The following WFDC3 variants were observed in gnomAD, a reference collection of about 807,000 sequenced individuals.
The protein encoded by WFDC3 is WAP four-disulfide core domain 3, also known as WAP four-disulfide core domain protein 3.
In WFDC3, 15 loss-of-function variants were observed where a neutral mutation model predicts 25.8. The ratio of observed to expected loss-of-function variants is 0.58; its 90% CI spans 0.39 to 0.89. The LOEUF (loss-of-function observed/expected upper bound fraction) is 0.89, where lower values mean the gene tolerates loss of function less well. WFDC3 is among the 40% of genes least tolerant of loss of function. The pLI, the probability that WFDC3 is intolerant of heterozygous loss-of-function variation, is 0.00. For missense variants in WFDC3, 264 were observed against 289.8 expected (o/e 0.91, Z 0.65); for synonymous variants, 103 against 107.1 (o/e 0.96, Z 0.24).
At chr20:45,781,475 C>T (rs1259778138) in intron 4 of WFDC3, among the ~76,000 whole-genome samples, 1 of 152,132 alleles carries the variant, frequency 6.6e-6, no homozygotes, top group East Asian at 1.9e-4. Context: ...CAGGACTCAG[C>T]GTATAGTCAT....
Position 45,789,966 on chromosome 20 carries a change from T to G in WFDC3, c.10A>C (p.Ser4Arg), listed in dbSNP as rs1980876020. Residue 4 changes from serine to arginine, a missense_variant, in exon 2 of 7, where the codon AGC (serine) becomes CGC (arginine). Coordinates refer to ENST00000243938, the MANE Select transcript of WFDC3 (RefSeq NM_080614.2). ...AGTGCCTTCAGAAGAAAGAGGCAGCTTAACATCATGATGATGCTGAGAGTT... is the reference window on the plus strand; with the variant it reads ...AGTGCCTTCAGAAGAAAGAGGCAGCGTAACATCATGATGATGCTGAGAGTT... The part of the protein sequence containing the change: MML[S>R]CLFLLKALLA... 6.2e-7 allele frequency: 1 copy of G among 1,613,990 alleles called. No individual in the cohort carries two copies. Among genetic ancestry groups the G allele is most frequent in the African/African-American group, 1.3e-5 (1 of 74,920 alleles).
intron 4 of WFDC3, among the ~76,000 whole-genome samples, chr20:45,783,739 C>T (rs1206278278): frequency 1.3e-5 from 2 of 152,020 alleles, no homozygotes; most frequent in Non-Finnish European, 2.9e-5. Context: ...AACAGACCAG[C>T]GCTGGCTATG....
At chr20:45,778,184 G>C (rs1036347313) in intron 4 of WFDC3, among the ~76,000 whole-genome samples, 3 of 152,160 alleles carry the variant, frequency 2.0e-5, no homozygotes, top group African/African-American at 7.2e-5. Flanking sequence ...CTTGAACTAC[G>C]CTATGGGATG....
intron 4 of WFDC3, among the ~76,000 whole-genome samples, chr20:45,777,618 A>G (rs1017196283): frequency 6.6e-6 from 1 of 152,182 alleles, no homozygotes; most frequent in Non-Finnish European, 1.5e-5. Context: ...TCCTGTGCTC[A>G]AGGGATCCTC....
Position 45,787,876 on chromosome 20 carries a change from G to A in WFDC3, c.318C>T (p.Cys106=), listed in dbSNP as rs1360086523. Residue 106 remains cysteine, a synonymous_variant, in exon 4 of 7, where the codon TGC becomes TGT. Coordinates refer to ENST00000243938, the MANE Select transcript of WFDC3 (RefSeq NM_080614.2). ...AGATTGGGACTACACAGCTCTTGTT[G>A]CAGCCAAGCGTGCAGCATTTCTTTA... ...PGVKKCCTLG[C]NKSCVVPISK... is the part of the protein sequence containing the mutation. 6.2e-7 allele frequency: 1 copy of A among 1,614,028 alleles called. No homozygotes were observed. Among genetic ancestry groups the A allele is most frequent in the South Asian group, 1.1e-5 (1 of 91,052 alleles).
intron 4 of WFDC3, among the ~76,000 whole-genome samples, 191 bp from the exon 5 acceptor site, chr20:45,777,400 A>G (rs1980241700): frequency 6.6e-6 from 1 of 152,160 alleles, no homozygotes; most frequent in South Asian, 2.1e-4. Context: ...GCCCAGGCCA[A>G]AGTGCAGTGG....
At position 45,776,619 on chromosome 20, in the gene WFDC3, AAAGAAAAAAAAAAAAAATAT is replaced by A. The variant is rs1431157114; in HGVS notation, c.493+436_493+455del. On this transcript the variant is annotated intron_variant, in intron 5 of 6. Coordinates refer to ENST00000243938, the MANE Select transcript of WFDC3 (RefSeq NM_080614.2). ...TCTCAAAAAAAAAAAAAAAGAAAAA[AAAGAAAAAAAAAAAAAATAT>A]ATATATATATATATATATATATGTG... Among the ~76,000 whole-genome samples the A allele has an allele frequency of 1.1e-3, 89 of 79,170 alleles. 1 individual carries two copies. The highest frequency in any genetic ancestry group is 4.3e-3 in the African/African-American group (75 of 17,594). 51.9% of individuals were successfully genotyped at this position (79,170 alleles called of 152,430 possible). A position where few individuals can be genotyped will look rare whatever the true frequency, so the allele number is the denominator to read the frequency against.
rs566406579 is a variant in WFDC3 at position 45,788,159 on chromosome 20, C to T, written c.212-177G>A. On this transcript the variant is annotated intron_variant, in intron 3 of 6. Transcript: ENST00000243938. The stretch of plus-strand genomic sequence containing the variant: ...TCTCTACTAAAAATACAAAATTAGT[C>T]GGGGGTGGTGGCACATGCCTGTAAA... 8.0e-5 allele frequency: 43 copies of T among 534,682 alleles called. No homozygotes were observed. The Middle Eastern group carries it at 1.7e-3, about 21-fold the overall frequency. The allele number at this position is 534,682 out of a possible 1,614,324, so 33.1% of individuals were successfully genotyped here.
intron 4 of WFDC3, among the ~76,000 whole-genome samples, chr20:45,783,356 T>C (rs560204775): frequency 5.6e-4 from 85 of 152,174 alleles, no homozygotes; most frequent in Admixed American, 7.9e-4. Context: ...TTTGTGCCTG[T>C]AGTCCCAGTT....
At position 45,776,967 on chromosome 20, in the gene WFDC3, G is replaced by A. The variant is rs1430927568; in HGVS notation, c.493+108C>T. 5 of 1,575,800 alleles carry A rather than the reference G, an allele frequency of 3.2e-6. No individual in the cohort carries two copies. In the Admixed American group the frequency reaches 8.5e-5, roughly 27 times the overall value. On this transcript the variant is annotated intron_variant, in intron 5 of 6. Coordinates refer to ENST00000243938, the MANE Select transcript of WFDC3 (RefSeq NM_080614.2). The stretch of plus-strand genomic sequence containing the variant: ...AAGAATGGGTTGCTTTGGGTTGGGG[G>A]ACCAGAGGGACAGGAAGGATGAGAA...
chr20:45,787,535 C>T (rs1980739432), intron 4 of WFDC3, among the ~76,000 whole-genome samples: 1 of 151,906 alleles, frequency 6.6e-6, no homozygotes, highest in Non-Finnish European at 1.5e-5. Flanking sequence ...TCGTGATCCG[C>T]CCGCCTTGGC....
At chr20:45,789,182 T>G in intron 2 of WFDC3, 123 bp from the exon 3 acceptor site, 1 of 1,321,938 alleles carries the variant, frequency 7.6e-7, no homozygotes. Flanking sequence ...CTAGCCTGGG[T>G]GACAGAATGA....
rs1480015599 is a variant in WFDC3 at position 45,776,969 on chromosome 20, C to T, written c.493+106G>A. The T allele has an allele frequency of 2.8e-5, 45 of 1,580,780 alleles. No individual in the cohort carries two copies. The East Asian group carries it at 1.0e-3, about 35-fold the overall frequency. On this transcript the variant is annotated intron_variant, in intron 5 of 6. Transcript: ENST00000243938. ...GAATGGGTTGCTTTGGGTTGGGGGA[C>T]CAGAGGGACAGGAAGGATGAGAATC...
intron 2 of WFDC3, 131 bp from the exon 3 acceptor site, chr20:45,789,190 T>C: frequency 8.0e-7 from 1 of 1,249,926 alleles, no homozygotes; most frequent in Admixed American, 3.1e-5. Flanking sequence ...GGTGACAGAA[T>C]GAGACCCTGT....
At chr20:45,776,599 AAAAAAAAAAAAAAGAAAAAAAAG>A (rs1277120277) in intron 5 of WFDC3, among the ~76,000 whole-genome samples, 912 of 42,148 alleles carry the variant, frequency 0.022, 13 homozygotes, top group South Asian at 0.067. Context: ...CTCTGTCTCA[AAAAAAAAAAAAAAGAAAAAAAAG>A]AAAAAAAAAA....
chr20:45,782,265 C>A (rs1326931245), intron 4 of WFDC3, among the ~76,000 whole-genome samples: 2 of 152,218 alleles, frequency 1.3e-5, no homozygotes, highest in East Asian at 1.9e-4. Context: ...TCAATGCCTG[C>A]AGCCACTTAC....
intron 4 of WFDC3, among the ~76,000 whole-genome samples, chr20:45,782,046 A>G (rs2145685477): frequency 6.6e-6 from 1 of 152,324 alleles, no homozygotes; most frequent in East Asian, 1.9e-4. Context: ...TAAGCAAAAC[A>G]GAGGGTCACA....
In WFDC3 at chr20:45,775,561, T is replaced by C; in HGVS notation, c.535A>G (p.Ile179Val). The C allele has an allele frequency of 6.2e-7, 1 of 1,614,130 alleles. No homozygotes were observed. Among genetic ancestry groups the C allele is most frequent in the Non-Finnish European group, 8.5e-7 (1 of 1,180,026 alleles). Residue 179 changes from isoleucine (I) to valine (V), a missense_variant, in exon 6 of 7, where the codon ATT becomes GTT. Coordinates refer to ENST00000243938, the MANE Select transcript of WFDC3 (RefSeq NM_080614.2). The stretch of plus-strand genomic sequence containing the variant: ...TTCTCATCCATCACACAGCCAACAA[T>C]GCACAGGCCCACCAGAACTTTTGGA... ...DCPKVLVGLCIVGCVMDENCQ... is the reference protein window; with the variant it reads ...DCPKVLVGLCVVGCVMDENCQ...
intron 1 of WFDC3, among the ~76,000 whole-genome samples, chr20:45,791,165 C>T (rs1245238208): frequency 5.3e-5 from 7 of 131,786 alleles, no homozygotes; most frequent in African/African-American, 1.7e-4. Context: ...TCATATGTGC[C>T]TAATATGCTT....
Sources: gnomAD v4.1 joint callset for allele counts (sites outside exome capture counted in the v4.1 genomes callset) on GRCh38, gnomAD v4.1.1 for gene constraint, MANE v1.5 for transcripts, NCBI Gene and HGNC (gene_info 2026-07-23, HGNC 2026-07-21) for gene names.